Variants in SEC22A observed in about 807,000 individuals in gnomAD.
SEC22A encodes vesicle-trafficking protein SEC22a.
In SEC22A, 22 loss-of-function variants were observed where a neutral mutation model predicts 35.3. The observed-to-expected ratio is 0.62, with a 90% CI of 0.45 to 0.89. The LOEUF is 0.89. SEC22A is among the 40% of genes least tolerant of loss of function. The probability of loss-of-function intolerance (pLI) is 0.00; values close to 1 mark genes in which losing one functional copy is unlikely to be tolerated. For synonymous variants in SEC22A, 119 were observed against 129.5 expected (o/e 0.92, Z 0.55); for missense variants, 354 against 362.5 (o/e 0.98, Z 0.19).
At chr3:123,247,186 A>G (rs1376403148) in intron 5 of SEC22A, among the ~76,000 whole-genome samples, 3 of 152,192 alleles carry the variant, frequency 2.0e-5, no homozygotes, top group Non-Finnish European at 4.4e-5. Flanking sequence ...AACAAAGACA[A>G]TTTGGAGACT....
intron 6 of SEC22A, among the ~76,000 whole-genome samples, chr3:123,267,744 G>C (rs761111074): frequency 6.6e-6 from 1 of 151,900 alleles, no homozygotes; most frequent in African/African-American, 2.4e-5. Flanking sequence ...ATTCTTTTAT[G>C]GTAGATCTGC....
intron 2 of SEC22A, among the ~76,000 whole-genome samples, chr3:123,219,646 C>G (rs746002447): frequency 1.3e-5 from 2 of 152,158 alleles, no homozygotes; most frequent in Non-Finnish European, 2.9e-5. Context: ...TCATACTAAG[C>G]GGTCAGTAAA....
At chr3:123,267,158 C>T (rs1289839864) in intron 6 of SEC22A, among the ~76,000 whole-genome samples, 1 of 152,188 alleles carries the variant, frequency 6.6e-6, no homozygotes, top group East Asian at 1.9e-4. Context: ...AAGTGAGTTT[C>T]TGACAGACAG....
intron 6 of SEC22A, among the ~76,000 whole-genome samples, chr3:123,266,217 A>G (rs1193793705): frequency 6.6e-6 from 1 of 151,698 alleles, no homozygotes; most frequent in Non-Finnish European, 1.5e-5. Context: ...TGTTAATTTT[A>G]TTGATCTTTT....
chr3:123,215,863 C>CT (rs1203067814), intron 2 of SEC22A, among the ~76,000 whole-genome samples: 9 of 152,228 alleles, frequency 5.9e-5, no homozygotes, highest in Admixed American at 1.3e-4. Flanking sequence ...CCACCCCCCT[C>CT]TTTTTTTGGT....
chr3:123,220,729 A>G lies in SEC22A; in HGVS notation c.183-2830A>G, dbSNP rs374418514. 1.7e-4 allele frequency among the ~76,000 whole-genome samples: 26 copies of G among 151,990 alleles called. No homozygotes were observed. The East Asian group carries it at 4.6e-3, about 27-fold the overall frequency. On this transcript the variant is annotated intron_variant, in intron 2 of 6. Coordinates refer to ENST00000492595, the MANE Select transcript of SEC22A (RefSeq NM_012430.5). Reference sequence around the variant, plus strand: ...ATGACTGTGTATTAAGTGATGCTTCAGAAAGGAACAACCAGGTTACTCTAG... The same window carrying G: ...ATGACTGTGTATTAAGTGATGCTTCGGAAAGGAACAACCAGGTTACTCTAG...
intron 4 of SEC22A, among the ~76,000 whole-genome samples, chr3:123,244,208 C>T (rs550679541): frequency 1.3e-5 from 2 of 152,134 alleles, no homozygotes; most frequent in South Asian, 4.1e-4. Flanking sequence ...GAAGTGTCAC[C>T]TTCTTATGTT....
chr3:123,252,042 G>A (rs1348282718), intron 5 of SEC22A, among the ~76,000 whole-genome samples: 1 of 152,204 alleles, frequency 6.6e-6, no homozygotes, highest in Non-Finnish European at 1.5e-5. Flanking sequence ...GTGCAAACTA[G>A]AGTGATTTTC....
chr3:123,253,406 C>A (rs932281547), intron 5 of SEC22A, among the ~76,000 whole-genome samples: 1 of 152,114 alleles, frequency 6.6e-6, no homozygotes, highest in African/African-American at 2.4e-5. Flanking sequence ...CTTGTTGATG[C>A]CTTTTAAAGA....
rs766269884 is a variant in SEC22A at position 123,212,989 on chromosome 3, C to T, written c.182+3590C>T. 4.9e-4 allele frequency among the ~76,000 whole-genome samples: 75 copies of T among 152,318 alleles called. 2 individuals are homozygous for T. Among genetic ancestry groups the T allele is most frequent in the Admixed American group, 1.5e-3 (23 of 15,300 alleles). On this transcript the variant is annotated intron_variant, in intron 2 of 6. Transcript: ENST00000492595. ...CATAAAGAGGACAGCATTTGGATAA[C>T]ATTCTTCCAGCAACTATAATTATGA...
At chr3:123,224,241 T>A (rs1438503118) in intron 3 of SEC22A, among the ~76,000 whole-genome samples, 1 of 151,822 alleles carries the variant, frequency 6.6e-6, no homozygotes, top group Non-Finnish European at 1.5e-5. Flanking sequence ...TGGGCAGTAG[T>A]TTGCTCAACT....
intron 5 of SEC22A, among the ~76,000 whole-genome samples, chr3:123,252,682 C>A (rs1329313399): frequency 6.6e-6 from 1 of 152,142 alleles, no homozygotes; most frequent in Non-Finnish European, 1.5e-5. Flanking sequence ...AATTTGAGGA[C>A]CCACATGAAT....
chr3:123,271,829 TTC>T lies in SEC22A; in HGVS notation c.*109_*110del. 1.1e-6 allele frequency: 1 copy of T among 916,042 alleles called. No individual in the cohort carries two copies. The highest frequency in any genetic ancestry group is 2.7e-5 in the Admixed American group (1 of 37,384). 56.7% of individuals were successfully genotyped at this position (916,042 alleles called of 1,614,324 possible). A position where few individuals can be genotyped will look rare whatever the true frequency, so the allele number is the denominator to read the frequency against. On this transcript the variant is annotated 3_prime_UTR_variant, in exon 7 of 7. Coordinates refer to ENST00000492595, the MANE Select transcript of SEC22A (RefSeq NM_012430.5). ...TTCCCCACAGAGGAGAAGCTCTGCT[TTC>T]TTTCTCTCCAACTTTCCTTTTTTAA...
At chr3:123,231,722 A>G (rs1361587128) in intron 4 of SEC22A, among the ~76,000 whole-genome samples, 1 of 152,222 alleles carries the variant, frequency 6.6e-6, no homozygotes. Context: ...GTTTAAAAAA[A>G]CAAAAACCAG....
rs1364926397 is a variant in SEC22A at position 123,245,890 on chromosome 3, ATT to A, written c.542-6_542-5del. 1.3e-6 allele frequency: 2 copies of A among 1,514,958 alleles called. No individual in the cohort carries two copies. The highest frequency in any genetic ancestry group is 1.7e-5 in the Admixed American group (1 of 58,030). The allele number at this position is 1,514,958 out of a possible 1,614,324, so 93.8% of individuals were successfully genotyped here. On this transcript the variant is annotated splice_region_variant and splice_polypyrimidine_tract_variant and intron_variant, in intron 4 of 6. Transcript: ENST00000492595. The stretch of plus-strand genomic sequence containing the variant: ...GTGTTCATTTCTAACTATTTCTTTT[ATT>A]TTCCAGCTCACCAGCGACTGGAACC...
At chr3:123,246,851 T>C (rs1937571461) in intron 5 of SEC22A, among the ~76,000 whole-genome samples, 1 of 152,224 alleles carries the variant, frequency 6.6e-6, no homozygotes, top group Non-Finnish European at 1.5e-5. Flanking sequence ...CTTTATATTC[T>C]GTTTTTAAAT....
chr3:123,209,905 T>TA (rs1936910520), intron 2 of SEC22A, among the ~76,000 whole-genome samples: 1 of 152,080 alleles, frequency 6.6e-6, no homozygotes. Context: ...AGGAGGTAAT[T>TA]ATATGAAGGA....
chr3:123,259,618 C>T (rs1319224723), intron 6 of SEC22A, 29 bp downstream of exon 6: 1 of 1,481,024 alleles, frequency 6.8e-7, no homozygotes, highest in Non-Finnish European at 9.4e-7. Context: ...TAAAGAAACA[C>T]TTACCATTAT....
At chr3:123,236,646 A>AAGGTCCTAT (rs1937424047) in intron 4 of SEC22A, among the ~76,000 whole-genome samples, 1 of 152,190 alleles carries the variant, frequency 6.6e-6, no homozygotes. Context: ...TAATGCTCCA[A>AAGGTCCTAT]AGGTCCTGGT....
Sources: allele counts gnomAD v4.1 joint callset (sites outside exome capture counted in the v4.1 genomes callset), GRCh38; gene constraint gnomAD v4.1.1; transcripts MANE v1.5; gene names NCBI Gene and HGNC (gene_info 2026-07-23, HGNC 2026-07-21).